Variants in ARHGAP15 observed in about 807,000 individuals in gnomAD.
ARHGAP15 encodes rho GTPase-activating protein 15.
A neutral mutation model predicts 63.7 loss-of-function variants in ARHGAP15; 51 were observed. The observed-to-expected ratio is 0.80, with a 90% CI of 0.64 to 1.01. The LOEUF (loss-of-function observed/expected upper bound fraction) is 1.01, where lower values mean the gene tolerates loss of function less well. Among genes scored for constraint, ARHGAP15 ranks in the 50% least tolerant of loss-of-function variants. The probability of loss-of-function intolerance (pLI) is 0.00; values close to 1 mark genes in which losing one functional copy is unlikely to be tolerated. For missense variants in ARHGAP15, 560 were observed against 564.6 expected, an observed-to-expected ratio of 0.99 and a Z score of 0.08; for synonymous variants, 191 against 193.8, an observed-to-expected ratio of 0.99 and a Z score of 0.12.
At chr2:143,352,018 T>G (rs955708902) in intron 6 of ARHGAP15, among the ~76,000 whole-genome samples, 5 of 152,150 alleles carry the variant, frequency 3.3e-5, no homozygotes, top group African/African-American at 1.2e-4. Flanking sequence ...GAAACAGACA[T>G]CATTCATCAA....
chr2:143,708,834 C>T (rs1422034336), intron 13 of ARHGAP15, among the ~76,000 whole-genome samples: 1 of 152,042 alleles, frequency 6.6e-6, no homozygotes, highest in Non-Finnish European at 1.5e-5. Flanking sequence ...ATCAGAATTT[C>T]CTGCCAAGAC....
chr2:143,617,711 T>C (rs1698502503), intron 11 of ARHGAP15, among the ~76,000 whole-genome samples: 1 of 152,154 alleles, frequency 6.6e-6, no homozygotes, highest in African/African-American at 2.4e-5. Flanking sequence ...ACGATGCATA[T>C]TTTTGGGTGA....
chr2:143,466,438 G>C (rs1411872437), intron 8 of ARHGAP15, among the ~76,000 whole-genome samples: 2 of 151,624 alleles, frequency 1.3e-5, no homozygotes, highest in Non-Finnish European at 2.9e-5. Flanking sequence ...AGAGTTGGTT[G>C]TATAAATCAG....
At chr2:143,594,601 G>A (rs1697441934) in intron 11 of ARHGAP15, among the ~76,000 whole-genome samples, 2 of 152,136 alleles carry the variant, frequency 1.3e-5, no homozygotes, top group Admixed American at 1.3e-4. Flanking sequence ...AGCTTTGATT[G>A]ATGAAGGACA....
At chr2:143,525,030 T>C (rs1694205505) in intron 10 of ARHGAP15, among the ~76,000 whole-genome samples, 1 of 152,182 alleles carries the variant, frequency 6.6e-6, no homozygotes, top group African/African-American at 2.4e-5. Context: ...CTTTACATAG[T>C]TGTTTCCCGT....
At chr2:143,578,171 TAA>T (rs1293944320) in intron 11 of ARHGAP15, among the ~76,000 whole-genome samples, 1 of 152,158 alleles carries the variant, frequency 6.6e-6, no homozygotes, top group Non-Finnish European at 1.5e-5. Context: ...AGCTCAGGTA[TAA>T]GTGTGGACCC....
At chr2:143,345,661 G>A (rs556034572) in intron 6 of ARHGAP15, among the ~76,000 whole-genome samples, 4 of 151,948 alleles carry the variant, frequency 2.6e-5, no homozygotes, top group Admixed American at 2.0e-4. Context: ...TGCAGGCTTT[G>A]GGTACAGAGT....
chr2:143,214,443 G>A (rs563415874), intron 3 of ARHGAP15, among the ~76,000 whole-genome samples: 18 of 152,050 alleles, frequency 1.2e-4, no homozygotes, highest in Non-Finnish European at 1.6e-4. Context: ...TTTATTATAT[G>A]GGTTTTACGA....
chr2:143,390,739 A>G (rs201634103), intron 6 of ARHGAP15, among the ~76,000 whole-genome samples: 3 of 56,748 alleles, frequency 5.3e-5, no homozygotes, highest in South Asian at 1.0e-3. Flanking sequence ...ATGCACACAC[A>G]CACACACACA....
intron 6 of ARHGAP15, among the ~76,000 whole-genome samples, chr2:143,413,113 A>T (rs1209423287): frequency 6.6e-6 from 1 of 152,212 alleles, no homozygotes; most frequent in African/African-American, 2.4e-5. Context: ...ATTGTTTATT[A>T]AAAATCTTTT....
intron 6 of ARHGAP15, among the ~76,000 whole-genome samples, chr2:143,359,127 T>A (rs11903209): frequency 0.019 from 2,855 of 152,276 alleles, 88 homozygotes; most frequent in African/African-American, 0.064. Context: ...CACAATTTTT[T>A]AAAATGTTTT....
intron 12 of ARHGAP15, among the ~76,000 whole-genome samples, chr2:143,699,454 G>A (rs1044699678): frequency 6.6e-6 from 1 of 152,168 alleles, no homozygotes; most frequent in Non-Finnish European, 1.5e-5. Context: ...ATGTGTGAAA[G>A]TGGAAAAAGA....
chr2:143,763,949 T>C (rs1686864014), intron 13 of ARHGAP15, among the ~76,000 whole-genome samples: 1 of 151,466 alleles, frequency 6.6e-6, no homozygotes, highest in South Asian at 2.1e-4. Flanking sequence ...TTGATTTTCC[T>C]AACTCAGGAA....
At chr2:143,292,210 C>A (rs1270998954) in intron 6 of ARHGAP15, among the ~76,000 whole-genome samples, 2 of 152,048 alleles carry the variant, frequency 1.3e-5, no homozygotes, top group African/African-American at 2.4e-5. Flanking sequence ...TGACAGTTAG[C>A]TTCCAGCCAA....
In ARHGAP15 at chr2:143,232,470, T is replaced by C. The variant is rs1231312137; in HGVS notation, c.384+3802T>C. Among the ~76,000 whole-genome samples, 6 of 152,208 alleles carry C rather than the reference T, an allele frequency of 3.9e-5. No individual in the cohort carries two copies. The East Asian group carries it at 1.2e-3, about 29-fold the overall frequency. Reference sequence around the variant, plus strand: ...ATTATGAAGGAAAGGATGGTGTTCATATTCTCATATTTTTAATGTATTTTT... The same window carrying C: ...ATTATGAAGGAAAGGATGGTGTTCACATTCTCATATTTTTAATGTATTTTT... On this transcript the variant is annotated intron_variant, in intron 5 of 13. Transcript: ENST00000295095.
chr2:143,291,156 T>A lies in ARHGAP15; in HGVS notation c.474+40556T>A, dbSNP rs144955969. On this transcript the variant is annotated intron_variant, in intron 6 of 13. Coordinates refer to ENST00000295095, the MANE Select transcript of ARHGAP15 (RefSeq NM_018460.4). ...ATTTGACTTTGAAAGTCCAGGTGAT[T>A]TAACCCTGGTTTGATAATTTCTATC... Among the ~76,000 whole-genome samples, 265 of 152,252 alleles carry A rather than the reference T, an allele frequency of 1.7e-3. 4 individuals are homozygous for A. The highest frequency in any genetic ancestry group is 4.7e-4 in the Non-Finnish European group (32 of 68,010).
At chr2:143,328,293 A>G (rs1210884150) in intron 6 of ARHGAP15, among the ~76,000 whole-genome samples, 1 of 152,206 alleles carries the variant, frequency 6.6e-6, no homozygotes, top group East Asian at 1.9e-4. Context: ...ATGCACATGT[A>G]TGTTTATCGC....
At chr2:143,296,812 T>C (rs558689607) in intron 6 of ARHGAP15, among the ~76,000 whole-genome samples, 1 of 152,066 alleles carries the variant, frequency 6.6e-6, no homozygotes, top group South Asian at 2.1e-4. Flanking sequence ...TTCTTCCTGA[T>C]CTTCTCCCCT....
chr2:143,311,602 G>A (rs891065797), intron 6 of ARHGAP15, among the ~76,000 whole-genome samples: 1 of 152,102 alleles, frequency 6.6e-6, no homozygotes, highest in Admixed American at 6.6e-5. Flanking sequence ...ATATGGGAGA[G>A]TGTGGTTTGT....
Sources: gnomAD v4.1 joint callset for allele counts (sites outside exome capture counted in the v4.1 genomes callset) on GRCh38, gnomAD v4.1.1 for gene constraint, MANE v1.5 for transcripts, NCBI Gene and HGNC (gene_info 2026-07-23, HGNC 2026-07-21) for gene names.